The following EOGT variants were observed in gnomAD, a reference collection of about 807,000 sequenced individuals.
EOGT encodes the protein EGF domain specific O-linked N-acetylglucosamine transferase.
In EOGT, 55 loss-of-function variants were observed where a neutral mutation model predicts 70.5. That is an observed-to-expected ratio of 0.78 (90% CI 0.63 to 0.98). The LOEUF is 0.98. EOGT is among the 50% of genes least tolerant of loss of function. The pLI is 0.00. For missense variants in EOGT, 703 were observed against 641.9 expected (o/e 1.10, Z -1.03); for synonymous variants, 246 against 217.1 (o/e 1.13, Z -1.17).
chr3:69,001,541 T>C, intron 9 of EOGT, 67 bp downstream of exon 9: 1 of 1,061,296 alleles, frequency 9.4e-7, no homozygotes, highest in Non-Finnish European at 1.4e-6. Flanking sequence ...AGAGAATTAC[T>C]ACATCCAAAA....
intron 13 of EOGT, 159 bp from the exon 14 acceptor site, chr3:68,987,672 G>A (rs1370645386): frequency 4.8e-6 from 3 of 619,402 alleles, no homozygotes; most frequent in East Asian, 2.8e-5. Flanking sequence ...CACTCTCAGG[G>A]AATAAAAATG....
chr3:68,987,393 T>C, intron 14 of EOGT, 52 bp downstream of exon 14: 1 of 1,281,698 alleles, frequency 7.8e-7, no homozygotes, highest in Non-Finnish European at 1.1e-6. Context: ...AAAACACAAT[T>C]TGCTCTATGA....
chr3:68,982,988 T>C, intron 14 of EOGT, 116 bp from the exon 15 acceptor site: 1 of 599,052 alleles, frequency 1.7e-6, no homozygotes, highest in African/African-American at 1.9e-5. Flanking sequence ...TAAATATCAT[T>C]TGGTAACAAC....
chr3:69,012,947 C>G (rs2091612494), intron 1 of EOGT, 148 bp from the exon 2 acceptor site: 1 of 152,130 alleles, frequency 6.6e-6, no homozygotes, highest in Admixed American at 6.6e-5. Flanking sequence ...ATGGAAAGTT[C>G]AACACGTGAG....
intron 16 of EOGT, among the ~76,000 whole-genome samples, chr3:68,979,312 G>A (rs570324764): frequency 2.0e-5 from 3 of 152,198 alleles, no homozygotes; most frequent in East Asian, 1.9e-4. Flanking sequence ...GCTATGTCGT[G>A]CATGAGACAT....
chr3:68,990,479 A>C (rs542309323), intron 10 of EOGT, among the ~76,000 whole-genome samples: 5 of 151,152 alleles, frequency 3.3e-5, no homozygotes, highest in African/African-American at 1.2e-4. Context: ...CAGCCTCCCG[A>C]GTAGCTGGGA....
intron 5 of EOGT, 54 bp from the exon 6 acceptor site, chr3:69,007,875 T>C: frequency 8.1e-7 from 1 of 1,238,034 alleles, no homozygotes; most frequent in African/African-American, 1.5e-5. Flanking sequence ...TTTTGGACCT[T>C]GAATTTTCAT....
intron 15 of EOGT, among the ~76,000 whole-genome samples, chr3:68,980,718 T>C (rs558702543): frequency 4.6e-5 from 7 of 152,336 alleles, no homozygotes; most frequent in Admixed American, 4.6e-4. Context: ...AACGAGAACA[T>C]GTGCCTCAGT....
At chr3:68,984,432 C>A (rs576231176) in intron 14 of EOGT, among the ~76,000 whole-genome samples, 15 of 152,160 alleles carry the variant, frequency 9.9e-5, no homozygotes, top group Non-Finnish European at 1.9e-4. Context: ...CAAGCATGCC[C>A]TTTTTCATGA....
At chr3:68,989,901 A>G (rs2090937389) in intron 10 of EOGT, among the ~76,000 whole-genome samples, 1 of 151,580 alleles carries the variant, frequency 6.6e-6, no homozygotes, top group African/African-American at 2.4e-5. Flanking sequence ...TGATCATGCC[A>G]TATACTCCAG....
intron 9 of EOGT, 28 bp from the exon 10 acceptor site, chr3:68,998,142 A>C (rs923519662): frequency 8.2e-7 from 1 of 1,213,420 alleles, no homozygotes; most frequent in Non-Finnish European, 1.2e-6. Flanking sequence ...AACTACATTA[A>C]TTAACACCAA....
At chr3:69,000,172 G>A (rs774633325) in intron 9 of EOGT, among the ~76,000 whole-genome samples, 13 of 152,178 alleles carry the variant, frequency 8.5e-5, no homozygotes, top group Non-Finnish European at 1.6e-4. Context: ...GCTGCAATGA[G>A]CTGTGATCAT....
chr3:69,008,588 T>C (rs2091495817), intron 4 of EOGT, 60 bp from the exon 5 acceptor site: 1 of 1,219,376 alleles, frequency 8.2e-7, no homozygotes, highest in Admixed American at 1.8e-5. Flanking sequence ...GACTCTTAGA[T>C]TTTTCCATTA....
chr3:69,004,330 T>C (rs1368182331), intron 8 of EOGT, 48 bp downstream of exon 8: 3 of 1,410,910 alleles, frequency 2.1e-6, no homozygotes, highest in Admixed American at 3.5e-5. Context: ...GCAAGTGCCG[T>C]AAATAAAGGC....
At chr3:68,988,745 G>GA (rs2090892223) in intron 11 of EOGT, 168 bp from the exon 12 acceptor site, 1 of 650,646 alleles carries the variant, frequency 1.5e-6, no homozygotes. Context: ...AAAGATTATA[G>GA]AAAAAACTTT....
intron 14 of EOGT, among the ~76,000 whole-genome samples, chr3:68,985,187 T>C (rs1048080264): frequency 6.6e-6 from 1 of 152,230 alleles, no homozygotes; most frequent in African/African-American, 2.4e-5. Flanking sequence ...TGTTGGCTAG[T>C]GAGGCTTCTC....
intron 13 of EOGT, chr3:68,987,800 G>A (rs2090859637): frequency 2.2e-6 from 1 of 464,420 alleles, no homozygotes. Flanking sequence ...AGGTGAGGGA[G>A]ATATAACCAA....
intron 13 of EOGT, 80 bp from the exon 14 acceptor site, chr3:68,987,593 T>G (rs1365440621): frequency 9.3e-7 from 1 of 1,069,856 alleles, no homozygotes; most frequent in Non-Finnish European, 1.4e-6. Context: ...AAATGTGATT[T>G]TCACAAAGAG....
intron 10 of EOGT, among the ~76,000 whole-genome samples, chr3:68,993,552 A>G (rs2091057283): frequency 6.6e-6 from 1 of 151,998 alleles, no homozygotes; most frequent in Non-Finnish European, 1.5e-5. Context: ...ACTTTCCCAC[A>G]TTTTCCTGTC....
Sources: allele counts gnomAD v4.1 joint callset (sites outside exome capture counted in the v4.1 genomes callset), GRCh38; gene constraint gnomAD v4.1.1; transcripts MANE v1.5; gene names NCBI Gene and HGNC (gene_info 2026-07-23, HGNC 2026-07-21).